FTO: variants seen among roughly 807,000 people sequenced by gnomAD.
The protein encoded by FTO is FTO alpha-ketoglutarate dependent dioxygenase.
In FTO, 47 loss-of-function variants were observed where a neutral mutation model predicts 63.9. The observed-to-expected ratio is 0.74, with a 90% CI of 0.58 to 0.94. The LOEUF (loss-of-function observed/expected upper bound fraction) is 0.94, where lower values mean the gene tolerates loss of function less well. FTO is among the 40% of genes least tolerant of loss of function. The pLI is 0.00. For synonymous variants in FTO, 207 were observed against 224.4 expected, an observed-to-expected ratio of 0.92 and a Z score of 0.69; for missense variants, 562 against 618.1, an observed-to-expected ratio of 0.91 and a Z score of 0.96.
At position 54,069,044 on chromosome 16, in the gene FTO, G is replaced by T. The variant is rs564095909; in HGVS notation, c.1365-42718G>T. On this transcript the variant is annotated intron_variant, in intron 8 of 8. Transcript: ENST00000471389. The stretch of plus-strand genomic sequence containing the variant: ...ACCCAAGAAAACGAAAGCATTTTTT[G>T]ATCATGATTATTTTTTTACACATAC... Among the ~76,000 whole-genome samples the T allele has an allele frequency of 5.9e-5, 9 of 152,200 alleles. 1 individual carries two copies. The highest frequency in any genetic ancestry group is 2.1e-4 in the South Asian group (1 of 4,802).
chr16:53,949,824 T>C (rs2082729179), intron 8 of FTO, among the ~76,000 whole-genome samples: 1 of 152,206 alleles, frequency 6.6e-6, no homozygotes, highest in Non-Finnish European at 1.5e-5. Context: ...ATAATGTCTT[T>C]TCCAAAATGT....
At chr16:53,774,571 T>TTGTTGTTG (rs1361320843) in intron 1 of FTO, among the ~76,000 whole-genome samples, 3 of 152,184 alleles carry the variant, frequency 2.0e-5, no homozygotes, top group Non-Finnish European at 4.4e-5. Context: ...TATCAACTAT[T>TTGTTGTTG]TTCACTTGGT....
intron 7 of FTO, among the ~76,000 whole-genome samples, chr16:53,921,660 C>T (rs955294690): frequency 2.0e-5 from 3 of 152,026 alleles, no homozygotes; most frequent in African/African-American, 7.3e-5. Context: ...GGAGAGAAGT[C>T]AGCTGTCATT....
At chr16:53,810,839 A>G (rs1320725502) in intron 2 of FTO, among the ~76,000 whole-genome samples, 1 of 151,954 alleles carries the variant, frequency 6.6e-6, no homozygotes, top group East Asian at 1.9e-4. Flanking sequence ...GTTTTTTCCT[A>G]TTTTTCTTGG....
intron 1 of FTO, among the ~76,000 whole-genome samples, chr16:53,805,163 A>C (rs1390899850): frequency 6.6e-6 from 1 of 152,234 alleles, no homozygotes; most frequent in African/African-American, 2.4e-5. Flanking sequence ...TGATAAATGG[A>C]TAAAGAATAA....
rs901486315 is a variant in FTO at position 53,819,440 on chromosome 16, G to A, written c.124-6424G>A. On this transcript the variant is annotated intron_variant, in intron 2 of 8. Coordinates refer to ENST00000471389, the MANE Select transcript of FTO (RefSeq NM_001080432.3). ...ACCCGCCTGAGTCTCCCAAAGTGCT[G>A]GGATTACAGGTGTGAGCCACCACGC... Among the ~76,000 whole-genome samples the A allele has an allele frequency of 2.6e-5, 4 of 152,164 alleles. No individual in the cohort carries two copies. The East Asian group carries it at 7.7e-4, about 29-fold the overall frequency.
chr16:53,937,376 T>TTA, intron 8 of FTO: 2 of 397,464 alleles, frequency 5.0e-6, no homozygotes, highest in Non-Finnish European at 8.9e-6. Flanking sequence ...GGACAGCTTG[T>TTA]TATAGCTTTT....
intron 8 of FTO, among the ~76,000 whole-genome samples, chr16:54,002,940 G>T (rs1402129684): frequency 3.9e-5 from 6 of 152,194 alleles, no homozygotes; most frequent in African/African-American, 1.4e-4. Flanking sequence ...GCTCACCTTG[G>T]TGCATCCTCC....
At chr16:53,823,254 T>C (rs2078915523) in intron 2 of FTO, among the ~76,000 whole-genome samples, 1 of 152,196 alleles carries the variant, frequency 6.6e-6, no homozygotes, top group East Asian at 1.9e-4. Context: ...TACCCCGCCC[T>C]TCTAGAAATG....
Position 53,809,634 on chromosome 16 carries a change from G to A in FTO, c.46-506G>A, listed in dbSNP as rs533525776. Among the ~76,000 whole-genome samples the A allele has an allele frequency of 9.9e-5, 15 of 152,284 alleles. 2 individuals are homozygous for A. Among genetic ancestry groups the A allele is most frequent in the Admixed American group, 5.2e-4 (8 of 15,292 alleles). ...TATTTCTAAATTTATGCTTCATACC[G>A]TGTGTAATTTAGTATATATGTAATT... is the stretch of plus-strand genomic sequence containing the variant. On this transcript the variant is annotated intron_variant, in intron 1 of 8. Coordinates refer to ENST00000471389, the MANE Select transcript of FTO (RefSeq NM_001080432.3).
At chr16:53,723,517 A>C (rs983334794) in intron 1 of FTO, among the ~76,000 whole-genome samples, 3 of 152,194 alleles carry the variant, frequency 2.0e-5, no homozygotes, top group African/African-American at 7.2e-5. Flanking sequence ...ATGATCTCAA[A>C]GCACTTAGGC....
intron 8 of FTO, among the ~76,000 whole-genome samples, chr16:53,953,139 A>G (rs1411040022): frequency 2.0e-5 from 3 of 152,234 alleles, no homozygotes; most frequent in Non-Finnish European, 4.4e-5. Flanking sequence ...GGTTGAAAGA[A>G]TGTATACTTT....
At chr16:53,969,216 T>TGTATACCTGATGTGCTTGTA (rs568246899) in intron 8 of FTO, among the ~76,000 whole-genome samples, 1,852 of 152,294 alleles carry the variant, frequency 0.012, 43 homozygotes, top group African/African-American at 0.043. Context: ...TAAAAGAATC[T>TGTATACCTGATGTGCTTGTA]TCTGTATTGT....
At chr16:54,008,854 AATAAT>A (rs869097263) in intron 8 of FTO, among the ~76,000 whole-genome samples, 5 of 107,230 alleles carry the variant, frequency 4.7e-5, no homozygotes, top group Admixed American at 8.7e-5. Flanking sequence ...TAATAATAAT[AATAAT>A]AAATTAGCTG....
At chr16:54,067,649 C>A (rs540077798) in intron 8 of FTO, among the ~76,000 whole-genome samples, 15 of 152,132 alleles carry the variant, frequency 9.9e-5, no homozygotes, top group Non-Finnish European at 1.9e-4. Flanking sequence ...GCCTAAATAT[C>A]CCTAGAAGCT....
chr16:53,943,692 A>G (rs1175490441), intron 8 of FTO, among the ~76,000 whole-genome samples: 1 of 152,162 alleles, frequency 6.6e-6, no homozygotes, highest in Non-Finnish European at 1.5e-5. Context: ...ATTCACCAGC[A>G]CTCAACAGTG....
intron 8 of FTO, among the ~76,000 whole-genome samples, chr16:54,001,021 G>A (rs1486982875): frequency 6.6e-6 from 1 of 152,158 alleles, no homozygotes; most frequent in Admixed American, 6.5e-5. Context: ...GAGCTCTAAA[G>A]AGCTTTTCAC....
chr16:53,788,518 G>T (rs1446542352), intron 1 of FTO, among the ~76,000 whole-genome samples: 1 of 149,972 alleles, frequency 6.7e-6, no homozygotes, highest in Admixed American at 6.7e-5. Context: ...CAGGAGAATT[G>T]CTTGAACCCG....
In FTO at chr16:54,111,977, A is replaced by G. The variant is rs2086901713; in HGVS notation, c.*62A>G. On this transcript the variant is annotated 3_prime_UTR_variant, in exon 9 of 9. Coordinates refer to ENST00000471389, the MANE Select transcript of FTO (RefSeq NM_001080432.3). Reference sequence around the variant, plus strand: ...TCGGCTTTTCTCCTCCAACGTTGTCATGGGCTTAAGCAAGAGCAGTGGAGA... The same window carrying G: ...TCGGCTTTTCTCCTCCAACGTTGTCGTGGGCTTAAGCAAGAGCAGTGGAGA... 1 of 1,595,036 alleles carries G rather than the reference A, an allele frequency of 6.3e-7. No individual in the cohort carries two copies. Among genetic ancestry groups the G allele is most frequent in the Non-Finnish European group, 8.6e-7 (1 of 1,164,046 alleles).
Sources: allele counts gnomAD v4.1 joint callset (sites outside exome capture counted in the v4.1 genomes callset), GRCh38; gene constraint gnomAD v4.1.1; transcripts MANE v1.5; gene names NCBI Gene and HGNC (gene_info 2026-07-23, HGNC 2026-07-21).